POMC: variants seen among roughly 807,000 people sequenced by gnomAD.
POMC encodes pro-opiomelanocortin.
Under a neutral mutation model 18.5 loss-of-function variants are expected in POMC, and 19 were observed. The observed-to-expected ratio is 1.03, with a 90% CI of 0.72 to 1.51. The LOEUF is 1.51. Ranked by LOEUF, POMC falls within the 40% of genes most tolerant of loss-of-function variation. The pLI is 0.00. For synonymous variants in POMC, 179 were observed against 161.9 expected (o/e 1.11, Z -0.80); for missense variants, 451 against 379.0 (o/e 1.19, Z -1.58).
chr2:25,161,147 G>C lies in POMC; in HGVS notation c.738C>G (p.Ser246Arg). ...TGAACAGCGTCACCAGGGGCGTCTG[G>C]CTCTTCTCGGAGGTCATGAAACCGC... The part of the protein sequence containing the change: ...RYGGFMTSEK[S>R]QTPLVTLFKN... Residue 246 changes from serine to arginine, a missense_variant, in exon 3 of 3, where the codon AGC (serine) becomes AGG (arginine). By Grantham distance (110) the Ser-to-Arg change is moderately radical. Transcript: ENST00000395826. The surrounding 1 kb of genome is among the most constrained non-coding windows in gnomAD (Gnocchi z 5.7). 1 of 1,613,914 alleles carries C rather than the reference G, an allele frequency of 6.2e-7. No individual in the cohort carries two copies. The highest frequency in any genetic ancestry group is 2.2e-5 in the East Asian group (1 of 44,850).
chr2:25,161,661 C>T lies in POMC; in HGVS notation c.224G>A (p.Arg75Gln). The change falls in exon 3 of 3, where the codon CGG becomes CAG. Residue 75 changes from arginine to glutamine, a missense_variant. Coordinates refer to ENST00000395826, the MANE Select transcript of POMC (RefSeq NM_000939.4). This position sits in a 1 kb window ranked among gnomAD's most constrained non-coding sequence, Gnocchi z 5.7. ...GDEQPLTENP[R>Q]KYVMGHFRWD... ...GCGGAAGTGGCCCATGACGTACTTCCGGGGGTTCTCGGTCAGAGGCTGCTC... is the reference window on the plus strand; with the variant it reads ...GCGGAAGTGGCCCATGACGTACTTCTGGGGGTTCTCGGTCAGAGGCTGCTC... The T allele has an allele frequency of 1.3e-6, 2 of 1,559,966 alleles. No homozygotes were observed. Among genetic ancestry groups the T allele is most frequent in the South Asian group, 1.2e-5 (1 of 84,810 alleles).
In POMC at chr2:25,161,395, C is replaced by A; in HGVS notation, c.490G>T (p.Ala164Ser). 6.2e-7 allele frequency: 1 copy of A among 1,608,716 alleles called. No individual in the cohort carries two copies. The highest frequency in any genetic ancestry group is 8.5e-7 in the Non-Finnish European group (1 of 1,178,182). ...AAGGCCTCGGCCGACTCGTCCTCGG[C>A]GCCGTTAGGGTACACCTTCACTGGG... is the stretch of plus-strand genomic sequence containing the variant. ...RRPVKVYPNG[A>S]EDESAEAFPL... The change falls in exon 3 of 3, where the codon GCC becomes TCC. Residue 164 changes from alanine to serine, a missense_variant. Physicochemically the swap from Ala to Ser is moderately conservative, Grantham distance 99. Coordinates refer to ENST00000395826, the MANE Select transcript of POMC (RefSeq NM_000939.4). The surrounding 1 kb of genome is among the most constrained non-coding windows in gnomAD (Gnocchi z 5.7).
chr2:25,162,703 C>T (rs927142853), intron 2 of POMC, among the ~76,000 whole-genome samples: 3 of 151,850 alleles, frequency 2.0e-5, no homozygotes, highest in East Asian at 1.9e-4. Flanking sequence ...AGCGAGACTC[C>T]GTCTCAAAAA....
Position 25,161,111 on chromosome 2 carries a change from G to T in POMC, c.774C>A (p.Ile258=). 1.2e-6 allele frequency: 2 copies of T among 1,614,058 alleles called. No homozygotes were observed. The highest frequency in any genetic ancestry group is 1.7e-6 in the Non-Finnish European group (2 of 1,180,016). ...CGCCCTTCTTGTAGGCGTTCTTGATGATGGCGTTTTTGAACAGCGTCACCA... is the reference window on the plus strand; with the variant it reads ...CGCCCTTCTTGTAGGCGTTCTTGATTATGGCGTTTTTGAACAGCGTCACCA... The part of the protein sequence containing the change: ...TPLVTLFKNA[I]IKNAYKKGE Residue 258 remains isoleucine (I), a synonymous_variant, in exon 3 of 3, where the codon ATC becomes ATA. Transcript: ENST00000395826. The surrounding 1 kb of genome is among the most constrained non-coding windows in gnomAD (Gnocchi z 5.7).
chr2:25,164,709 T>G lies in POMC; in HGVS notation c.64A>C (p.Met22Leu). ...LLLALLLQAS[M>L]EVRGWCLESS... ...TCCAGGCACCAGCCACGCACTTCCA[T>G]GGAGGCCTGAAGCAGCAAGGCCAGC... Residue 22 changes from methionine to leucine, a missense_variant, in exon 2 of 3, where the codon ATG becomes CTG. By Grantham distance (15) the Met-to-Leu change is conservative (BLOSUM62 2). Transcript: ENST00000395826. 2 of 1,614,174 alleles carry G rather than the reference T, an allele frequency of 1.2e-6. No homozygotes were observed. Among genetic ancestry groups the G allele is most frequent in the Non-Finnish European group, 1.7e-6 (2 of 1,180,030 alleles).
intron 2 of POMC, among the ~76,000 whole-genome samples, chr2:25,163,244 A>G (rs1220705272): frequency 1.3e-5 from 2 of 152,224 alleles, no homozygotes; most frequent in Non-Finnish European, 2.9e-5. Flanking sequence ...GTGGACAGAT[A>G]GTGAAACAGG....
At chr2:25,163,014 A>G (rs1396762095) in intron 2 of POMC, among the ~76,000 whole-genome samples, 1 of 152,228 alleles carries the variant, frequency 6.6e-6, no homozygotes, top group Non-Finnish European at 1.5e-5. Context: ...ATTGTGGTAC[A>G]TATTAGCTTA....
chr2:25,164,170 GT>G (rs1459314807), intron 2 of POMC, among the ~76,000 whole-genome samples: 1 of 151,962 alleles, frequency 6.6e-6, no homozygotes, highest in Non-Finnish European at 1.5e-5. Context: ...AGGGCCCCTG[GT>G]TTTTCCTTCT....
Position 25,161,277 on chromosome 2 carries a change from G to A in POMC, c.608C>T (p.Ala203Val). The change falls in exon 3 of 3, where the codon GCC (alanine) becomes GTC (valine). Residue 203 changes from alanine (A) to valine (V), a missense_variant. Coordinates refer to ENST00000395826, the MANE Select transcript of POMC (RefSeq NM_000939.4). This position sits in a 1 kb window ranked among gnomAD's most constrained non-coding sequence, Gnocchi z 5.7. ...CACCAGCAGGCTGTGCTCCAGGTCG[G>A]CCTGGGCCCCTGCGCCGTCATCGGC... ...GPADDGAGAQ[A>V]DLEHSLLVAA... 6.2e-7 allele frequency: 1 copy of A among 1,611,602 alleles called. No homozygotes were observed.
At chr2:25,165,099 A>T (rs1214621656) in intron 1 of POMC, among the ~76,000 whole-genome samples, 1 of 152,228 alleles carries the variant, frequency 6.6e-6, no homozygotes, top group African/African-American at 2.4e-5. Context: ...TTCCCATGAG[A>T]GATGGGAAAA....
chr2:25,164,702 A>C lies in POMC; in HGVS notation c.71T>G (p.Val24Gly). The C allele has an allele frequency of 6.2e-7, 1 of 1,614,140 alleles. No individual in the cohort carries two copies. Among genetic ancestry groups the C allele is most frequent in the Middle Eastern group, 1.6e-4 (1 of 6,062 alleles). ...LALLLQASME[V>G]RGWCLESSQC... is the part of the protein sequence containing the mutation. ...GCTGCTCTCCAGGCACCAGCCACGC[A>C]CTTCCATGGAGGCCTGAAGCAGCAA... The change falls in exon 2 of 3, where the codon GTG (valine) becomes GGG (glycine). Residue 24 changes from valine to glycine, a missense_variant. Val to Gly is a moderately radical substitution (Grantham distance 109). Coordinates refer to ENST00000395826, the MANE Select transcript of POMC (RefSeq NM_000939.4).
chr2:25,167,154 C>A (rs1375161117), intron 1 of POMC, among the ~76,000 whole-genome samples: 3 of 152,154 alleles, frequency 2.0e-5, no homozygotes, highest in African/African-American at 7.2e-5. Context: ...ATTAGAGGAG[C>A]ACAGGGGCCG....
In POMC at chr2:25,163,385, C is replaced by T. The variant is rs368634828; in HGVS notation, c.132+1256G>A. On this transcript the variant is annotated intron_variant, in intron 2 of 2. Transcript: ENST00000395826. ...GCTGTGGGTGTCTCAAGTCAAGAGACTCTTGGGTCTTTCCAAACTGGAACT... is the reference window on the plus strand; with the variant it reads ...GCTGTGGGTGTCTCAAGTCAAGAGATTCTTGGGTCTTTCCAAACTGGAACT... Among the ~76,000 whole-genome samples the T allele has an allele frequency of 5.3e-5, 8 of 152,310 alleles. No individual in the cohort carries two copies. The East Asian group carries it at 1.2e-3, about 22-fold the overall frequency.
At chr2:25,162,365 G>A (rs572330783) in intron 2 of POMC, among the ~76,000 whole-genome samples, 1 of 152,252 alleles carries the variant, frequency 6.6e-6, no homozygotes, top group African/African-American at 2.4e-5. Context: ...CAGGAGAACC[G>A]CTTGAACCTG....
rs1456465975 is a variant in POMC at position 25,168,208 on chromosome 2, G to A, written c.-21+290C>T. Among the ~76,000 whole-genome samples, 1 of 151,942 alleles carries A rather than the reference G, an allele frequency of 6.6e-6. No individual in the cohort carries two copies. The highest frequency in any genetic ancestry group is 2.4e-5 in the African/African-American group (1 of 41,350). ...CAAGACCTCCTAGCAAGCTCTCGGA[G>A]CCTCCGGACCGCCGCGAGCCCCTGG... On this transcript the variant is annotated intron_variant, in intron 1 of 2. Transcript: ENST00000395826. The surrounding 1 kb of genome is among the most constrained non-coding windows in gnomAD (Gnocchi z 5.2).
chr2:25,161,558 C>T lies in POMC; in HGVS notation c.327G>A (p.Ala109=). Residue 109 remains alanine (A), a synonymous_variant, in exon 3 of 3, where the codon GCG becomes GCA. Coordinates refer to ENST00000395826, the MANE Select transcript of POMC (RefSeq NM_000939.4). This position sits in a 1 kb window ranked among gnomAD's most constrained non-coding sequence, Gnocchi z 5.7. ...GAGQKREDVS[A]GEDCGPLPEG... ...CAGGCAGCGGGCCGCAGTCTTCGCC[C>T]GCTGAGACGTCCTCGCGCTTCTGCC... 6.4e-7 allele frequency: 1 copy of T among 1,571,982 alleles called. No individual in the cohort carries two copies. The highest frequency in any genetic ancestry group is 1.2e-5 in the South Asian group (1 of 86,606).
rs533924411 is a variant in POMC at position 25,160,941 on chromosome 2, T to C, written c.*140A>G. 112 of 1,369,226 alleles carry C rather than the reference T, an allele frequency of 8.2e-5. No homozygotes were observed. The highest frequency in any genetic ancestry group is 1.0e-4 in the Non-Finnish European group (107 of 1,020,646). 84.8% of individuals were successfully genotyped at this position (1,369,226 alleles called of 1,614,324 possible). A position where few individuals can be genotyped will look rare whatever the true frequency, so the allele number is the denominator to read the frequency against. ...GGATGTGAAATTTGAAAGGTTTTAT[T>C]TCCTAACTACAGGCAGCTTTAAGAG... On this transcript the variant is annotated 3_prime_UTR_variant, in exon 3 of 3. Coordinates refer to ENST00000395826, the MANE Select transcript of POMC (RefSeq NM_000939.4).
At chr2:25,162,621 C>T (rs1261789994) in intron 2 of POMC, among the ~76,000 whole-genome samples, 8 of 151,868 alleles carry the variant, frequency 5.3e-5, no homozygotes, top group Admixed American at 5.3e-4. Context: ...AATGCCTCAA[C>T]CTGTGTGAAC....
intron 1 of POMC, among the ~76,000 whole-genome samples, chr2:25,166,190 G>A (rs529153483): frequency 6.6e-6 from 1 of 152,220 alleles, no homozygotes; most frequent in African/African-American, 2.4e-5. Context: ...CTTCTGAAGG[G>A]TTGCCGGGCA....
Sources: allele counts gnomAD v4.1 joint callset (sites outside exome capture counted in the v4.1 genomes callset), GRCh38; gene constraint gnomAD v4.1.1; non-coding constraint Gnocchi (gnomAD v3.1); transcripts MANE v1.5; gene names NCBI Gene and HGNC (gene_info 2026-07-23, HGNC 2026-07-21).